EZH2: variants seen among roughly 807,000 people sequenced by gnomAD.
EZH2 encodes the protein enhancer of zeste 2 polycomb repressive complex 2 subunit, also known as histone-lysine N-methyltransferase EZH2.
EZH2 carries 18 observed loss-of-function variants against 98.4 expected under a neutral mutation model. The observed-to-expected ratio is 0.18, with a 90% CI of 0.13 to 0.27. EZH2 has a LOEUF of 0.27. Among genes scored for constraint, EZH2 ranks in the 10% least tolerant of loss-of-function variants. EZH2 has a pLI of 1.00. For missense variants in EZH2, 470 were observed against 935.1 expected, an observed-to-expected ratio of 0.50 and a Z score of 6.49; for synonymous variants, 338 against 312.3, an observed-to-expected ratio of 1.08 and a Z score of -0.87.
At chr7:148,878,665 G>C (rs1352718544) in intron 1 of EZH2, among the ~76,000 whole-genome samples, 3 of 152,180 alleles carry the variant, frequency 2.0e-5, no homozygotes, top group African/African-American at 7.2e-5. Context: ...TTGGGAGGCT[G>C]AGGTAGGTGG....
intron 3 of EZH2, among the ~76,000 whole-genome samples, chr7:148,840,456 T>C (rs1196711793): frequency 6.6e-6 from 1 of 152,148 alleles, no homozygotes; most frequent in Non-Finnish European, 1.5e-5. Flanking sequence ...CTAGTATATA[T>C]AGAAAATGAA....
At chr7:148,841,135 T>C (rs1251610210) in intron 3 of EZH2, among the ~76,000 whole-genome samples, 1 of 152,060 alleles carries the variant, frequency 6.6e-6, no homozygotes, top group Non-Finnish European at 1.5e-5. Context: ...ATAAATGACA[T>C]GTATTTAATA....
In EZH2 at chr7:148,812,703, TG is replaced by T. The variant is rs547083969; in HGVS notation, c.1852-984del. On this transcript the variant is annotated intron_variant, in intron 15 of 19. Coordinates refer to ENST00000320356, the MANE Select transcript of EZH2 (RefSeq NM_004456.5). ...GGAAGGAGTACAATGGTAAGTTGTTTGGGGGGGAAATTGAGATTTTTAGGTC... is the reference window on the plus strand; with the variant it reads ...GGAAGGAGTACAATGGTAAGTTGTTTGGGGGGAAATTGAGATTTTTAGGTC... 3.5e-3 allele frequency among the ~76,000 whole-genome samples: 527 copies of T among 152,198 alleles called. 2 individuals carry two copies. Among genetic ancestry groups the T allele is most frequent in the African/African-American group, 0.012 (492 of 41,522 alleles).
chr7:148,829,352 T>G (rs1808655868), intron 5 of EZH2, among the ~76,000 whole-genome samples: 2 of 152,256 alleles, frequency 1.3e-5, no homozygotes, highest in East Asian at 3.9e-4. Flanking sequence ...GGAGCGGTAT[T>G]TTTTAGTAGT....
chr7:148,836,699 C>T (rs1427703886), intron 3 of EZH2: 6 of 383,796 alleles, frequency 1.6e-5, no homozygotes, highest in Admixed American at 1.5e-4. Context: ...GATGATTCAT[C>T]ATCAATGGTT....
chr7:148,881,745 C>T lies in EZH2; in HGVS notation c.-8+2419G>A, dbSNP rs967741393. Among the ~76,000 whole-genome samples, 4 of 152,006 alleles carry T rather than the reference C, an allele frequency of 2.6e-5. No individual in the cohort carries two copies. The East Asian group carries it at 5.8e-4, about 22-fold the overall frequency. On this transcript the variant is annotated intron_variant, in intron 1 of 19. Coordinates refer to ENST00000320356, the MANE Select transcript of EZH2 (RefSeq NM_004456.5). Reference sequence around the variant, plus strand: ...GGTCAGGAGTTCGAGACCAGCCTGGCCAACATGGTGAAACCCTGTCTCTGC... The same window carrying T: ...GGTCAGGAGTTCGAGACCAGCCTGGTCAACATGGTGAAACCCTGTCTCTGC...
intron 1 of EZH2, among the ~76,000 whole-genome samples, chr7:148,874,403 GA>G (rs200686551): frequency 2.2e-4 from 32 of 145,638 alleles, no homozygotes; most frequent in African/African-American, 6.3e-4. Context: ...AAAAAGCAAA[GA>G]AAAAAAAAAC....
At chr7:148,842,797 G>A (rs1210150448) in intron 3 of EZH2, among the ~76,000 whole-genome samples, 1 of 152,138 alleles carries the variant, frequency 6.6e-6, no homozygotes, top group East Asian at 1.9e-4. Context: ...CGGGTATGGT[G>A]ACTCACACCT....
At chr7:148,878,519 AT>A (rs1463520179) in intron 1 of EZH2, among the ~76,000 whole-genome samples, 13 of 152,076 alleles carry the variant, frequency 8.5e-5, no homozygotes, top group South Asian at 2.1e-4. Flanking sequence ...TTACGTCTTT[AT>A]TTCACTCCTT....
chr7:148,826,588 G>A lies in EZH2; in HGVS notation c.773C>T (p.Pro258Leu), dbSNP rs2129475531. 1.3e-6 allele frequency: 2 copies of A among 1,569,134 alleles called. No individual in the cohort carries two copies. The highest frequency in any genetic ancestry group is 1.7e-6 in the Non-Finnish European group (2 of 1,154,168). ...TEQQLPGALP[P>L]ECTPNIDGPN... ...TCCATCTATGTTGGGGGTACATTCA[G>A]GAGGAAGTGCGCCTGGGAGCTGCTG... is the stretch of plus-strand genomic sequence containing the variant. Residue 258 changes from proline (P) to leucine (L), a missense_variant, in exon 8 of 20, where the codon CCT (proline) becomes CTT (leucine). Pro to Leu is a moderately conservative substitution (Grantham distance 98, BLOSUM62 -3). This residue lies in a region of EZH2 where 192 missense variants were observed against 306.8 expected (regional missense o/e 0.63). Transcript: ENST00000320356.
intron 16 of EZH2, among the ~76,000 whole-genome samples, chr7:148,810,884 G>GA (rs1223733058): frequency 2.8e-4 from 29 of 103,312 alleles, no homozygotes; most frequent in Admixed American, 1.7e-3. Flanking sequence ...CAACAAGAGC[G>GA]AAACTCTGTC....
chr7:148,819,488 G>T, intron 9 of EZH2, 108 bp downstream of exon 9: 1 of 804,462 alleles, frequency 1.2e-6, no homozygotes, highest in Non-Finnish European at 2.1e-6. Context: ...CTATCATATG[G>T]CCCATAACAG....
chr7:148,807,829 A>AC, intron 19 of EZH2, 123 bp from the exon 20 acceptor site: 1 of 670,852 alleles, frequency 1.5e-6, no homozygotes, highest in Non-Finnish European at 2.5e-6. Flanking sequence ...AAAAAAAAAA[A>AC]AAAAAAACCC....
At chr7:148,820,720 G>A (rs1805814892) in intron 8 of EZH2, among the ~76,000 whole-genome samples, 3 of 152,040 alleles carry the variant, frequency 2.0e-5, no homozygotes, top group Admixed American at 2.0e-4. Flanking sequence ...TTCTGTTTAT[G>A]AGTTAAACTA....
At chr7:148,827,729 C>T (rs1406264735) in intron 6 of EZH2, among the ~76,000 whole-genome samples, 1 of 152,200 alleles carries the variant, frequency 6.6e-6, no homozygotes, top group Non-Finnish European at 1.5e-5. Context: ...TGAGCTTTGC[C>T]AAGTAGAGAA....
intron 3 of EZH2, among the ~76,000 whole-genome samples, chr7:148,843,797 T>G (rs1008730822): frequency 3.3e-5 from 5 of 151,296 alleles, no homozygotes; most frequent in South Asian, 4.2e-4. Context: ...GGGTTTCACC[T>G]TGTTAGCCAG....
chr7:148,820,487 C>G (rs1246430880), intron 8 of EZH2, among the ~76,000 whole-genome samples: 3 of 151,152 alleles, frequency 2.0e-5, no homozygotes, highest in African/African-American at 7.3e-5. Context: ...AGTGACATTT[C>G]CACAAAACAA....
At chr7:148,883,300 A>G (rs1821273926) in intron 1 of EZH2, 1 of 152,366 alleles carries the variant, frequency 6.6e-6, no homozygotes, top group Non-Finnish European at 1.5e-5. Context: ...AAGGGGATGT[A>G]CACAATGAAG....
chr7:148,811,152 T>C (rs1802956884), intron 16 of EZH2, among the ~76,000 whole-genome samples: 1 of 152,130 alleles, frequency 6.6e-6, no homozygotes, highest in Non-Finnish European at 1.5e-5. Context: ...TTGCTTTTTT[T>C]CCCCTCTGAG....
Sources: gnomAD v4.1 joint callset for allele counts (sites outside exome capture counted in the v4.1 genomes callset) on GRCh38, gnomAD v4.1.1 for gene constraint, gnomAD v4.1.1 regional missense constraint, MANE v1.5 for transcripts, NCBI Gene and HGNC (gene_info 2026-07-23, HGNC 2026-07-21) for gene names.